The following RIN1 variants were observed in gnomAD, a reference collection of about 807,000 sequenced individuals.
RIN1 encodes Ras and Rab interactor 1.
Under a neutral mutation model 64.9 loss-of-function variants are expected in RIN1, and 52 were observed. The ratio of observed to expected loss-of-function variants is 0.80; its 90% CI spans 0.64 to 1.01. RIN1 has a LOEUF of 1.01. RIN1 is among the 50% of genes least tolerant of loss of function. The pLI, the probability that RIN1 is intolerant of heterozygous loss-of-function variation, is 0.00. For missense variants in RIN1, 1,040 were observed against 1,064.5 expected, an observed-to-expected ratio of 0.98 and a Z score of 0.32; for synonymous variants, 486 against 483.6, an observed-to-expected ratio of 1.00 and a Z score of -0.06.
At chr11:66,336,491 C>A, upstream of RIN1, 1 of 1,118,850 alleles carries the variant, frequency 8.9e-7, no homozygotes, top group South Asian at 1.4e-5. Context: ...TGAGGGCGGT[C>A]CGCCTGTCAC....
At chr11:66,333,480 C>T (rs1281495177) in intron 8 of RIN1, 47 bp downstream of exon 8, 1 of 1,608,634 alleles carries the variant, frequency 6.2e-7, no homozygotes, top group African/African-American at 1.3e-5. Context: ...CCCTTCCCTG[C>T]TTATTCAGGG....
At position 66,334,855 on chromosome 11, in the gene RIN1, T is replaced by G; in HGVS notation, c.944A>C (p.Asp315Ala). The G allele has an allele frequency of 6.4e-7, 1 of 1,556,526 alleles. No individual in the cohort carries two copies. ...CTCGGAGCTGCTGGGGGAGCCGCAG[T>G]CCACCTCTTGGAGGGAGGGCATAGG... The part of the protein sequence containing the change: ...LPPMPSLQEV[D>A]CGSPSSSEEE... The change falls in exon 6 of 10, where the codon GAC (aspartate) becomes GCC (alanine). Residue 315 changes from aspartate (D) to alanine (A), a missense_variant. Asp to Ala is a moderately radical substitution (Grantham distance 126). Coordinates refer to ENST00000311320, the MANE Select transcript of RIN1 (RefSeq NM_004292.3).
rs76359943 is a variant in RIN1, at chr11:66,333,098, C to T, written c.1875+160G>A. 3.7e-3 allele frequency: 3,033 copies of T among 819,914 alleles called. 71 individuals are homozygous for T. In the African/African-American group the frequency reaches 0.046, roughly 12 times the overall value. The allele number at this position is 819,914 out of a possible 1,614,324, so 50.8% of individuals were successfully genotyped here. ...TTTTACTGATGAGAAAACTGAGGCA[C>T]GAAGTAGTTAAGTAACTCGCCCAAG... On this transcript the variant is annotated intron_variant, in intron 9 of 9. Coordinates refer to ENST00000311320, the MANE Select transcript of RIN1 (RefSeq NM_004292.3).
chr11:66,334,206 G>T lies in RIN1; in HGVS notation c.1304C>A (p.Ser435Ter). Residue 435 changes from serine to a stop codon, truncating the protein, a stop_gained, in exon 7 of 10, where the codon TCA becomes TAA. Transcript: ENST00000311320. LOFTEE classifies it high-confidence loss of function. ...AGGCTTGAGCACAGAGCAATGCAATGACTTCTCCAGGACATGTTCTGCCGG... is the reference window on the plus strand; with the variant it reads ...AGGCTTGAGCACAGAGCAATGCAATTACTTCTCCAGGACATGTTCTGCCGG... Reference protein sequence around the residue: ...PKRLEHVLEKSLHCSVLKPLR... With the variant: ...PKRLEHVLEK 1 of 1,447,768 alleles carries T rather than the reference G, an allele frequency of 6.9e-7. No homozygotes were observed. Among genetic ancestry groups the T allele is most frequent in the Non-Finnish European group, 9.1e-7 (1 of 1,102,638 alleles). The allele number at this position is 1,447,768 out of a possible 1,614,324, so 89.7% of individuals were successfully genotyped here.
Position 66,334,658 on chromosome 11 carries a change from G to T in RIN1, c.1141C>A (p.Gln381Lys), listed in dbSNP as rs1287633968. The change falls in exon 6 of 10, where the codon CAG becomes AAG. Residue 381 changes from glutamine to lysine, a missense_variant. Transcript: ENST00000311320. ...TGGGTCAGTAGGTCCTGCACCAGCT[G>T]GCCCGCGGCTGTGTGTCGGTCCTGC... ...LMQDRHTAAGQLVQDLLTQVR... is the reference protein window; with the variant it reads ...LMQDRHTAAGKLVQDLLTQVR... 1 of 1,562,352 alleles carries T rather than the reference G, an allele frequency of 6.4e-7. No homozygotes were observed.
At position 66,334,022 on chromosome 11, in the gene RIN1, G is replaced by A; in HGVS notation, c.1488C>T (p.Arg496=). The change falls in exon 7 of 10, where the codon CGC becomes CGT. Residue 496 remains arginine, a synonymous_variant. Coordinates refer to ENST00000311320, the MANE Select transcript of RIN1 (RefSeq NM_004292.3). ...LPSPVELEQV[R]QKLLQLLRTY... ...TGCGGAGCAGCTGCAGCAGCTTCTGGCGCACTTGCTCCAACTCTACTGGGG... is the reference window on the plus strand; with the variant it reads ...TGCGGAGCAGCTGCAGCAGCTTCTGACGCACTTGCTCCAACTCTACTGGGG... 5 of 1,572,324 alleles carry A rather than the reference G, an allele frequency of 3.2e-6. No individual in the cohort carries two copies. The highest frequency in any genetic ancestry group is 4.3e-6 in the Non-Finnish European group (5 of 1,159,914).
Position 66,334,595 on chromosome 11 carries a change from T to C in RIN1, c.1204A>G (p.Ile402Val). ...CGGGCCCGGCTCAGCGCCTGACGGA[T>C]GCCCTGCAGCTCCTGGGGCTCGGGC... The part of the protein sequence containing the change: ...AGPEPQELQG[I>V]RQALSRARAM... The change falls in exon 6 of 10, where the codon ATC becomes GTC. Residue 402 changes from isoleucine to valine, a missense_variant. Coordinates refer to ENST00000311320, the MANE Select transcript of RIN1 (RefSeq NM_004292.3). The C allele has an allele frequency of 6.3e-7, 1 of 1,584,088 alleles. No homozygotes were observed. The highest frequency in any genetic ancestry group is 8.6e-7 in the Non-Finnish European group (1 of 1,167,170).
rs1399575040 is a variant in RIN1 at position 66,334,641 on chromosome 11, T to C, written c.1158A>G (p.Leu386=). 1.3e-6 allele frequency: 2 copies of C among 1,574,720 alleles called. No homozygotes were observed. Among genetic ancestry groups the C allele is most frequent in the South Asian group, 1.2e-5 (1 of 86,412 alleles). The change falls in exon 6 of 10, where the codon CTA becomes CTG. Residue 386 remains leucine, a synonymous_variant. Transcript: ENST00000311320. ...HTAAGQLVQD[L]LTQVRAGPEP... ...CGGGCCCAGCCCGCACCTGGGTCAG[T>C]AGGTCCTGCACCAGCTGGCCCGCGG...
At position 66,332,493 on chromosome 11, in the gene RIN1, G is replaced by GC. The variant is rs776412981; in HGVS notation, c.2134dup (p.Ala712GlyfsTer42). On this transcript the variant is annotated frameshift_variant, in exon 10 of 10. Coordinates refer to ENST00000311320, the MANE Select transcript of RIN1 (RefSeq NM_004292.3). LOFTEE classifies it high-confidence loss of function. ...CCCACTGCCCTCCTCCTCTGTCACA[G>GC]CCCCCTGGGTCTCAGGCCACTCCGC... 3.7e-6 allele frequency: 6 copies of GC among 1,613,980 alleles called. No homozygotes were observed. In the African/African-American group the frequency reaches 8.0e-5, roughly 22 times the overall value.
chr11:66,336,103 C>CGCCT lies in RIN1; in HGVS notation c.138_141dup (p.Gly48ArgfsTer51), dbSNP rs1372807080. The CGCCT allele has an allele frequency of 6.9e-7, 1 of 1,443,544 alleles. No homozygotes were observed. Among genetic ancestry groups the CGCCT allele is most frequent in the South Asian group, 1.4e-5 (1 of 69,332 alleles). 89.4% of individuals were successfully genotyped at this position (1,443,544 alleles called of 1,614,324 possible). On this transcript the variant is annotated frameshift_variant, in exon 2 of 10. Coordinates refer to ENST00000311320, the MANE Select transcript of RIN1 (RefSeq NM_004292.3). LOFTEE classifies it high-confidence loss of function. Reference sequence around the variant, plus strand: ...ACAACGCGCCCCGGCCGCTGCGGCCCGCCTGCCTGCCCGCCGCTGGCATTG... The same window carrying CGCCT: ...ACAACGCGCCCCGGCCGCTGCGGCCCGCCTGCCTGCCTGCCCGCCGCTGGCATTG...
In RIN1 at chr11:66,335,999, C is replaced by T. The variant is rs1854887331; in HGVS notation, c.246G>A (p.Met82Ile). Residue 82 changes from methionine (M) to isoleucine (I), a missense_variant, in exon 2 of 10, where the codon ATG (methionine) becomes ATA (isoleucine). Physicochemically the swap from Met to Ile is conservative, Grantham distance 10. Transcript: ENST00000311320. ...TCACCCCCGGGGGCTCGGTCCTCAG[C>T]ATGTGCAGTGCGGCCGCTGCGTTGG... Reference protein sequence around the residue: ...LQANAAAALHMLRTEPPGTFL... With the variant: ...LQANAAAALHILRTEPPGTFL... 1.4e-6 allele frequency: 2 copies of T among 1,474,988 alleles called. No individual in the cohort carries two copies. Among genetic ancestry groups the T allele is most frequent in the Admixed American group, 2.6e-5 (1 of 37,820 alleles). 91.4% of individuals were successfully genotyped at this position (1,474,988 alleles called of 1,614,324 possible).
rs1049347360 is a variant in RIN1 at position 66,332,059 on chromosome 11, G to C, written c.*217C>G. 9 of 589,242 alleles carry C rather than the reference G, an allele frequency of 1.5e-5. No individual in the cohort carries two copies. Among genetic ancestry groups the C allele is most frequent in the Non-Finnish European group, 2.7e-5 (9 of 332,022 alleles). The allele number at this position is 589,242 out of a possible 1,614,324, so 36.5% of individuals were successfully genotyped here. ...CTGGGGGAGAAGAACAAGAGGCAAG[G>C]GGCCTTGGGCACACAGTCTGGGGGC... On this transcript the variant is annotated 3_prime_UTR_variant, in exon 10 of 10. Coordinates refer to ENST00000311320, the MANE Select transcript of RIN1 (RefSeq NM_004292.3).
rs1224909766 is a variant in RIN1, at chr11:66,331,924, G to A, written c.*352C>T. 2 of 313,980 alleles carry A rather than the reference G, an allele frequency of 6.4e-6. No individual in the cohort carries two copies. Among genetic ancestry groups the A allele is most frequent in the Non-Finnish European group, 1.2e-5 (2 of 167,008 alleles). 19.4% of individuals were successfully genotyped at this position (313,980 alleles called of 1,614,324 possible). ...GCCCTGCCTCAGCCATGCCCATGAG[G>A]GGAAGGGTAAAAGGAGCTGAGACCG... On this transcript the variant is annotated 3_prime_UTR_variant, in exon 10 of 10. Coordinates refer to ENST00000311320, the MANE Select transcript of RIN1 (RefSeq NM_004292.3).
chr11:66,333,894 G>T (rs375494488), intron 7 of RIN1, 25 bp downstream of exon 7: 2 of 1,498,364 alleles, frequency 1.3e-6, no homozygotes, highest in African/African-American at 1.4e-5. Flanking sequence ...GGGCAGGGCA[G>T]GGTGAGGTGG....
chr11:66,336,596 GCT>G, upstream of RIN1: 1 of 577,382 alleles, frequency 1.7e-6, no homozygotes, highest in Admixed American at 3.1e-5. Flanking sequence ...TCCCCTCCAT[GCT>G]AGCCCTGCTC....
chr11:66,336,165 G>A lies in RIN1; in HGVS notation c.87-7C>T, dbSNP rs1854895553. The A allele has an allele frequency of 2.8e-6, 4 of 1,453,212 alleles. No homozygotes were observed. Among genetic ancestry groups the A allele is most frequent in the Non-Finnish European group, 3.6e-6 (4 of 1,102,378 alleles). The allele number at this position is 1,453,212 out of a possible 1,614,324, so 90.0% of individuals were successfully genotyped here. A position where few individuals can be genotyped will look rare whatever the true frequency, so the allele number is the denominator to read the frequency against. ...CAGTGGGTCCTGGGCTGGCCTGGGG[G>A]CAGGCACCCAGATCTGAGCAGGGAG... On this transcript the variant is annotated splice_polypyrimidine_tract_variant and splice_region_variant and intron_variant, in intron 1 of 9. Transcript: ENST00000311320.
chr11:66,335,570 C>T (rs377583727), intron 4 of RIN1, 40 bp downstream of exon 4: 14 of 1,612,788 alleles, frequency 8.7e-6, no homozygotes, highest in Non-Finnish European at 1.2e-5. Flanking sequence ...TCCCAAGGAG[C>T]AGGGCCCGTG....
Position 66,335,697 on chromosome 11 carries a change from A to C in RIN1, c.383-15T>G, listed in dbSNP as rs1315917644. On this transcript the variant is annotated splice_polypyrimidine_tract_variant and intron_variant, in intron 3 of 9. Coordinates refer to ENST00000311320, the MANE Select transcript of RIN1 (RefSeq NM_004292.3). The stretch of plus-strand genomic sequence containing the variant: ...CAAGGAGACGCCTGAGAGAGGAGGG[A>C]AGTGAGGTGCTTCTCTGGGGAACCT... 1 of 1,612,860 alleles carries C rather than the reference A, an allele frequency of 6.2e-7. No homozygotes were observed. Among genetic ancestry groups the C allele is most frequent in the Admixed American group, 1.7e-5 (1 of 59,816 alleles).
rs917025386 is a variant in RIN1, at chr11:66,332,022, G to T, written c.*254C>A. ...CTTGGCACACCCTCATTGCAGGCTGGCTCACCCTCAGCTGGGGGAGAAGAA... is the reference window on the plus strand; with the variant it reads ...CTTGGCACACCCTCATTGCAGGCTGTCTCACCCTCAGCTGGGGGAGAAGAA... On this transcript the variant is annotated 3_prime_UTR_variant, in exon 10 of 10. Transcript: ENST00000311320. 4 of 557,004 alleles carry T rather than the reference G, an allele frequency of 7.2e-6. No homozygotes were observed. In the South Asian group the frequency reaches 9.3e-5, roughly 13 times the overall value. The allele number at this position is 557,004 out of a possible 1,614,324, so 34.5% of individuals were successfully genotyped here.
Sources: allele counts gnomAD v4.1 joint callset, GRCh38; gene constraint gnomAD v4.1.1; transcripts MANE v1.5; gene names NCBI Gene and HGNC (gene_info 2026-07-23, HGNC 2026-07-21).